Variants in SPON1 observed in about 807,000 individuals in gnomAD.
The protein encoded by SPON1 is spondin 1.
Under a neutral mutation model 111.7 loss-of-function variants are expected in SPON1, and 52 were observed. The ratio of observed to expected loss-of-function variants is 0.47; its 90% CI spans 0.37 to 0.59. SPON1 has a LOEUF of 0.59. Ranked by LOEUF, SPON1 falls within the 20% of genes least tolerant of loss-of-function variation. SPON1 has a pLI of 0.00. For missense variants in SPON1, 957 were observed against 1,068.5 expected (o/e 0.90, Z 1.46); for synonymous variants, 410 against 395.8 (o/e 1.04, Z -0.43).
chr11:14,151,402 C>T (rs1451139068), intron 6 of SPON1, among the ~76,000 whole-genome samples: 6 of 152,132 alleles, frequency 3.9e-5, no homozygotes, highest in Non-Finnish European at 8.8e-5. Flanking sequence ...TGGAGAGATG[C>T]AGAGATTACA....
At chr11:14,200,702 C>A (rs1487071519) in intron 6 of SPON1, among the ~76,000 whole-genome samples, 1 of 151,588 alleles carries the variant, frequency 6.6e-6, no homozygotes, top group African/African-American at 2.4e-5. Flanking sequence ...GTAATCCCAG[C>A]TACTCAGGTG....
intron 3 of SPON1, among the ~76,000 whole-genome samples, chr11:14,054,131 A>G (rs1490072235): frequency 6.6e-6 from 1 of 152,150 alleles, no homozygotes; most frequent in Non-Finnish European, 1.5e-5. Context: ...ATAATTAATT[A>G]TTGTGGGCTG....
intron 6 of SPON1, among the ~76,000 whole-genome samples, chr11:14,215,471 T>C (rs1554937078): frequency 6.6e-6 from 1 of 152,172 alleles, no homozygotes; most frequent in African/African-American, 2.4e-5. Context: ...AGTGTCTGCA[T>C]GACTCTTCAG....
At chr11:14,008,352 A>G (rs991584417) in intron 2 of SPON1, among the ~76,000 whole-genome samples, 3 of 151,944 alleles carry the variant, frequency 2.0e-5, no homozygotes, top group African/African-American at 7.3e-5. Flanking sequence ...TCTTCCTACC[A>G]TTTACACTTA....
intron 2 of SPON1, among the ~76,000 whole-genome samples, chr11:14,039,414 G>T (rs1554917031): frequency 6.6e-6 from 1 of 152,114 alleles, no homozygotes; most frequent in Admixed American, 6.5e-5. Flanking sequence ...GATAGTGAGG[G>T]AGACTGTGTG....
chr11:13,962,779 G>A lies in SPON1; in HGVS notation c.-126G>A. Reference sequence around the variant, plus strand: ...AGGCGGGCACGGTCTCCGAGTCGCGGACGCCAGCTCCGAGCTCCCTCTCTC... The same window carrying A: ...AGGCGGGCACGGTCTCCGAGTCGCGAACGCCAGCTCCGAGCTCCCTCTCTC... On this transcript the variant is annotated 5_prime_UTR_variant, in exon 1 of 16. Coordinates refer to ENST00000576479, the MANE Select transcript of SPON1 (RefSeq NM_006108.4). 1.1e-6 allele frequency: 1 copy of A among 878,384 alleles called. No homozygotes were observed. Among genetic ancestry groups the A allele is most frequent in the East Asian group, 3.2e-5 (1 of 31,320 alleles). 54.4% of individuals were successfully genotyped at this position (878,384 alleles called of 1,614,324 possible). A position where few individuals can be genotyped will look rare whatever the true frequency, so the allele number is the denominator to read the frequency against.
At chr11:14,034,391 G>A (rs562008086) in intron 2 of SPON1, among the ~76,000 whole-genome samples, 3 of 152,260 alleles carry the variant, frequency 2.0e-5, no homozygotes, top group Non-Finnish European at 2.9e-5. Context: ...TCTAGATGAC[G>A]AGTGTGGAGA....
intron 2 of SPON1, among the ~76,000 whole-genome samples, chr11:13,996,931 C>A (rs1554911876): frequency 6.6e-6 from 1 of 152,098 alleles, no homozygotes; most frequent in African/African-American, 2.4e-5. Flanking sequence ...CTATTATTGG[C>A]AAGATAGGTG....
intron 5 of SPON1, among the ~76,000 whole-genome samples, chr11:14,088,388 A>G (rs562637949): frequency 5.5e-4 from 83 of 152,254 alleles, no homozygotes; most frequent in African/African-American, 1.9e-3. Context: ...TTCACTTATG[A>G]AGCTTAATTT....
intron 1 of SPON1, among the ~76,000 whole-genome samples, chr11:13,970,223 G>A (rs1472479940): frequency 1.3e-5 from 2 of 152,146 alleles, no homozygotes; most frequent in Non-Finnish European, 2.9e-5. Context: ...ATGGAGTTGG[G>A]GTGCAGATAG....
intron 6 of SPON1, among the ~76,000 whole-genome samples, chr11:14,147,078 G>A (rs1467457988): frequency 8.2e-6 from 1 of 122,146 alleles, no homozygotes; most frequent in Non-Finnish European, 1.6e-5. Context: ...TGCCCAGGCT[G>A]GAGTGCAGTG....
chr11:14,109,005 A>G (rs1218461478), intron 5 of SPON1, among the ~76,000 whole-genome samples: 1 of 152,210 alleles, frequency 6.6e-6, no homozygotes, highest in Non-Finnish European at 1.5e-5. Flanking sequence ...TGTTGAGCTG[A>G]GTCCTGGGCA....
At chr11:13,968,846 A>C (rs1026316495) in intron 1 of SPON1, among the ~76,000 whole-genome samples, 6 of 152,206 alleles carry the variant, frequency 3.9e-5, no homozygotes, top group Non-Finnish European at 7.3e-5. Context: ...GGTCATACCT[A>C]GCTGCAAGGA....
chr11:14,065,531 G>C (rs1848826006), intron 3 of SPON1, among the ~76,000 whole-genome samples: 1 of 152,194 alleles, frequency 6.6e-6, no homozygotes. Context: ...AGCTGAGACA[G>C]GTTCTATTTT....
At chr11:14,030,819 C>T (rs1297544625) in intron 2 of SPON1, among the ~76,000 whole-genome samples, 1 of 152,196 alleles carries the variant, frequency 6.6e-6, no homozygotes, top group African/African-American at 2.4e-5. Flanking sequence ...GAACTAAAAA[C>T]AGAACTAGGA....
At chr11:14,009,108 G>T (rs533223593) in intron 2 of SPON1, among the ~76,000 whole-genome samples, 3 of 152,308 alleles carry the variant, frequency 2.0e-5, no homozygotes, top group East Asian at 3.9e-4. Context: ...TGAGGTCAGG[G>T]ACTTAGTTCC....
intron 5 of SPON1, among the ~76,000 whole-genome samples, chr11:14,096,217 G>T (rs1849099706): frequency 6.6e-6 from 1 of 152,188 alleles, no homozygotes; most frequent in Non-Finnish European, 1.5e-5. Context: ...GAGTGGAGAA[G>T]GAAAGTCCAT....
chr11:14,090,345 C>T (rs1156698765), intron 5 of SPON1, among the ~76,000 whole-genome samples: 3 of 152,064 alleles, frequency 2.0e-5, no homozygotes, highest in Admixed American at 2.0e-4. Flanking sequence ...ATGGGAAAAG[C>T]GTAGTATCTG....
intron 5 of SPON1, among the ~76,000 whole-genome samples, chr11:14,133,855 C>T (rs1847557650): frequency 6.6e-6 from 1 of 152,132 alleles, no homozygotes; most frequent in African/African-American, 2.4e-5. Flanking sequence ...AATGAACAAG[C>T]AATTGGGCAA....
Sources: allele counts gnomAD v4.1 joint callset (sites outside exome capture counted in the v4.1 genomes callset), GRCh38; gene constraint gnomAD v4.1.1; transcripts MANE v1.5; gene names NCBI Gene and HGNC (gene_info 2026-07-23, HGNC 2026-07-21).